Variants in NIBAN1 observed in about 807,000 individuals in gnomAD.
NIBAN1 encodes niban apoptosis regulator 1.
A neutral mutation model predicts 75.1 loss-of-function variants in NIBAN1; 81 were observed. That is an observed-to-expected ratio of 1.08 (90% CI 0.90 to 1.30). NIBAN1 has a LOEUF of 1.30. Among genes scored for constraint, NIBAN1 ranks in the 50% most tolerant of loss-of-function variants. NIBAN1 has a pLI of 0.00. For missense variants in NIBAN1, 1,133 were observed against 1,128.1 expected (o/e 1.00, Z -0.06); for synonymous variants, 436 against 424.8 (o/e 1.03, Z -0.32).
rs182947469 is a variant in NIBAN1 at position 184,821,472 on chromosome 1, A to G, written c.985+1695T>C. The G allele has an allele frequency of 2.1e-3, 316 of 152,316 alleles. 2 individuals are homozygous for G. Among genetic ancestry groups the G allele is most frequent in the African/African-American group, 7.2e-3 (300 of 41,572 alleles). 9.4% of individuals were successfully genotyped at this position (152,316 alleles called of 1,614,324 possible). A position where few individuals can be genotyped will look rare whatever the true frequency, so the allele number is the denominator to read the frequency against. On this transcript the variant is annotated intron_variant, in intron 8 of 13. Coordinates refer to ENST00000367511, the MANE Select transcript of NIBAN1 (RefSeq NM_052966.4). Reference sequence around the variant, plus strand: ...CTGGAAAGCCTGCTAGACAAATTCTAAAAGAGCTGTAACACTGATATTCCA... The same window carrying G: ...CTGGAAAGCCTGCTAGACAAATTCTGAAAGAGCTGTAACACTGATATTCCA...
At chr1:184,941,060 T>TCTGAACATCACTTAGGACAGTACCCAAGC in intron 1 of NIBAN1, among the ~76,000 whole-genome samples, 1 of 152,334 alleles carries the variant, frequency 6.6e-6, no homozygotes, top group South Asian at 2.1e-4. Context: ...TTGCATTGAC[T>TCTGAACATCACTTAGGACAGTACCCAAGC]CTGAACATCA....
chr1:184,973,085 T>C (rs758349778), intron 1 of NIBAN1, among the ~76,000 whole-genome samples: 9 of 152,224 alleles, frequency 5.9e-5, no homozygotes, highest in Non-Finnish European at 1.2e-4. Context: ...TTAAGCTTAG[T>C]TCAGCTCTTT....
At chr1:184,862,869 G>T (rs1655852965) in intron 5 of NIBAN1, among the ~76,000 whole-genome samples, 1 of 151,642 alleles carries the variant, frequency 6.6e-6, no homozygotes, top group Admixed American at 6.6e-5. Context: ...TTAAGTTCAG[G>T]GGTAAAAGTG....
chr1:184,827,963 T>G lies in NIBAN1; in HGVS notation c.717+3884A>C, dbSNP rs1045889436. ...AATGCGGGTAGTTTTGTTTTTTGTT[T>G]TTTTTTTTTTTTTCCGTCTTGAAAC... On this transcript the variant is annotated intron_variant, in intron 6 of 13. Coordinates refer to ENST00000367511, the MANE Select transcript of NIBAN1 (RefSeq NM_052966.4). Among the ~76,000 whole-genome samples, 34 of 150,598 alleles carry G rather than the reference T, an allele frequency of 2.3e-4. 1 individual carries two copies. Among genetic ancestry groups the G allele is most frequent in the South Asian group, 4.2e-4 (2 of 4,768 alleles).
intron 9 of NIBAN1, among the ~76,000 whole-genome samples, chr1:184,814,610 C>A (rs1199814115): frequency 6.6e-6 from 1 of 152,158 alleles, no homozygotes; most frequent in Non-Finnish European, 1.5e-5. Flanking sequence ...TTTGTATCAT[C>A]ATTTTGGCTA....
At position 184,894,051 on chromosome 1, in the gene NIBAN1, A is replaced by C. The variant is rs771029268; in HGVS notation, c.318+24T>G. ...AACTTTTAAGAACAGTGTAAGAATCAGTAGTAACAAAGAAGTGTCTTACCT... is the reference window on the plus strand; with the variant it reads ...AACTTTTAAGAACAGTGTAAGAATCCGTAGTAACAAAGAAGTGTCTTACCT... On this transcript the variant is annotated intron_variant, in intron 3 of 13. Coordinates refer to ENST00000367511, the MANE Select transcript of NIBAN1 (RefSeq NM_052966.4). 7.0e-6 allele frequency: 11 copies of C among 1,582,204 alleles called. No homozygotes were observed. In the African/African-American group the frequency reaches 9.5e-5, roughly 14 times the overall value.
chr1:184,794,057 A>T lies in NIBAN1; in HGVS notation c.*920T>A, dbSNP rs900986719. 4 of 152,126 alleles carry T rather than the reference A, an allele frequency of 2.6e-5. No homozygotes were observed. Among genetic ancestry groups the T allele is most frequent in the African/African-American group, 9.7e-5 (4 of 41,442 alleles). The allele number at this position is 152,126 out of a possible 1,614,324, so 9.4% of individuals were successfully genotyped here. A position where few individuals can be genotyped will look rare whatever the true frequency, so the allele number is the denominator to read the frequency against. ...ATTGGCATATGTTCTCTTCCAGATT[A>T]AATTCCCTTGGACCTTTTAATTTAT... is the stretch of plus-strand genomic sequence containing the variant. On this transcript the variant is annotated 3_prime_UTR_variant, in exon 14 of 14. Transcript: ENST00000367511.
At chr1:184,962,589 T>C (rs990073326) in intron 1 of NIBAN1, among the ~76,000 whole-genome samples, 3 of 152,170 alleles carry the variant, frequency 2.0e-5, no homozygotes, top group African/African-American at 7.2e-5. Flanking sequence ...TAGATTTTGC[T>C]TACTCCCTGT....
At chr1:184,839,084 T>C (rs2102247853) in intron 5 of NIBAN1, among the ~76,000 whole-genome samples, 1 of 152,116 alleles carries the variant, frequency 6.6e-6, no homozygotes, top group African/African-American at 2.4e-5. Flanking sequence ...TACCATGGAG[T>C]ATGGACCATG....
chr1:184,862,350 G>A (rs896276268), intron 5 of NIBAN1, among the ~76,000 whole-genome samples: 3 of 151,762 alleles, frequency 2.0e-5, no homozygotes, highest in Non-Finnish European at 4.4e-5. Flanking sequence ...ATGTTGCCCA[G>A]GCTGGAGTGC....
rs547080652 is a variant in NIBAN1, at chr1:184,810,280, AG to A, written c.1174-2046del. Among the ~76,000 whole-genome samples the A allele has an allele frequency of 8.5e-5, 13 of 152,350 alleles. No individual in the cohort carries two copies. The South Asian group carries it at 2.5e-3, about 29-fold the overall frequency. ...TCTTTTTCAGTGATTCTTAAACTGT[AG>A]GGTACACCAGAACCTCTGGAGGTCT... On this transcript the variant is annotated intron_variant, in intron 9 of 13. Coordinates refer to ENST00000367511, the MANE Select transcript of NIBAN1 (RefSeq NM_052966.4).
At chr1:184,801,879 A>C (rs2102186628) in intron 12 of NIBAN1, among the ~76,000 whole-genome samples, 1 of 152,386 alleles carries the variant, frequency 6.6e-6, no homozygotes, top group African/African-American at 2.4e-5. Flanking sequence ...GAAGTGACCA[A>C]CTTTACAAAA....
chr1:184,919,931 G>A (rs1329004108), intron 1 of NIBAN1, among the ~76,000 whole-genome samples: 1 of 151,834 alleles, frequency 6.6e-6, no homozygotes. Context: ...GGGAGGGGGA[G>A]GTGTTGGGGA....
intron 1 of NIBAN1, among the ~76,000 whole-genome samples, chr1:184,964,036 A>G (rs946476916): frequency 3.9e-5 from 6 of 151,928 alleles, no homozygotes; most frequent in African/African-American, 1.5e-4. Flanking sequence ...GATTAGACAA[A>G]TAAACCAAGG....
At chr1:184,836,995 A>G (rs1655161456) in intron 5 of NIBAN1, among the ~76,000 whole-genome samples, 1 of 152,228 alleles carries the variant, frequency 6.6e-6, no homozygotes, top group Non-Finnish European at 1.5e-5. Flanking sequence ...TAAACGACAA[A>G]GGTTTGCTTT....
At chr1:184,923,378 T>C (rs1657607976) in intron 1 of NIBAN1, among the ~76,000 whole-genome samples, 1 of 152,168 alleles carries the variant, frequency 6.6e-6, no homozygotes, top group African/African-American at 2.4e-5. Flanking sequence ...TCACTGTAGA[T>C]ATATAGATTT....
At chr1:184,961,213 CG>C (rs1312442536) in intron 1 of NIBAN1, among the ~76,000 whole-genome samples, 7 of 151,656 alleles carry the variant, frequency 4.6e-5, no homozygotes, top group African/African-American at 1.7e-4. Context: ...GGACTACAGG[CG>C]CCTGCCGCCA....
At chr1:184,880,220 T>C (rs923120495) in intron 5 of NIBAN1, among the ~76,000 whole-genome samples, 6 of 152,222 alleles carry the variant, frequency 3.9e-5, no homozygotes, top group African/African-American at 1.4e-4. Flanking sequence ...CTGAGTACCA[T>C]GGGTTGATAT....
At position 184,791,038 on chromosome 1, in the gene NIBAN1, G is replaced by A. The variant is rs754740853; in HGVS notation, c.*3939C>T. 1.5e-5 allele frequency: 7 copies of A among 471,302 alleles called. No homozygotes were observed. Among genetic ancestry groups the A allele is most frequent in the South Asian group, 1.1e-4 (7 of 64,472 alleles). 29.2% of individuals were successfully genotyped at this position (471,302 alleles called of 1,614,324 possible). On this transcript the variant is annotated 3_prime_UTR_variant, in exon 14 of 14. Transcript: ENST00000367511. ...AATGACATCTGGTCAGCTCTTCAAGGATGAACATTTTATTGGAATATAGGC... is the reference window on the plus strand; with the variant it reads ...AATGACATCTGGTCAGCTCTTCAAGAATGAACATTTTATTGGAATATAGGC...
Sources: allele counts gnomAD v4.1 joint callset (sites outside exome capture counted in the v4.1 genomes callset), GRCh38; gene constraint gnomAD v4.1.1; transcripts MANE v1.5; gene names NCBI Gene and HGNC (gene_info 2026-07-23, HGNC 2026-07-21).